CAMK2D: variants seen among roughly 807,000 people sequenced by gnomAD.
CAMK2D encodes the protein calcium/calmodulin-dependent protein kinase type II subunit delta.
Under a neutral mutation model 84.0 loss-of-function variants are expected in CAMK2D, and 37 were observed. That is an observed-to-expected ratio of 0.44 (90% confidence interval 0.34 to 0.58). The LOEUF (loss-of-function observed/expected upper bound fraction) is 0.58. CAMK2D is among the 20% of genes least tolerant of loss of function. The pLI is 0.02. For missense variants in CAMK2D, 448 were observed against 652.5 expected, an observed-to-expected ratio of 0.69 and a Z score of 3.41; for synonymous variants, 202 against 212.5, an observed-to-expected ratio of 0.95 and a Z score of 0.43.
At chr4:113,680,594 A>C (rs1056369461) in intron 2 of CAMK2D, among the ~76,000 whole-genome samples, 2 of 152,234 alleles carry the variant, frequency 1.3e-5, no homozygotes, top group South Asian at 2.1e-4. Flanking sequence ...AACAAACAAA[A>C]AGATATAAAT....
chr4:113,576,246 C>T (rs1398567908), intron 4 of CAMK2D, among the ~76,000 whole-genome samples: 1 of 152,106 alleles, frequency 6.6e-6, no homozygotes, highest in East Asian at 1.9e-4. Flanking sequence ...ACATAATAGA[C>T]TGAAAATCTA....
At chr4:113,759,513 C>A in intron 1 of CAMK2D, 99 bp from the exon 2 acceptor site, 1 of 618,734 alleles carries the variant, frequency 1.6e-6, no homozygotes, top group South Asian at 2.8e-5. Context: ...AGTGGATTGC[C>A]AGTGAAGTAC....
chr4:113,509,596 T>C (rs373744043), intron 13 of CAMK2D, 42 bp downstream of exon 13: 9 of 1,286,348 alleles, frequency 7.0e-6, no homozygotes, highest in Non-Finnish European at 9.1e-6. Flanking sequence ...TTATCCAGCA[T>C]CTGAAAGTCA....
At chr4:113,522,104 G>C (rs2098367801) in intron 8 of CAMK2D, among the ~76,000 whole-genome samples, 1 of 152,118 alleles carries the variant, frequency 6.6e-6, no homozygotes, top group African/African-American at 2.4e-5. Context: ...ATATCATCGA[G>C]AACATTCAAA....
chr4:113,488,745 A>T (rs2097790460), intron 16 of CAMK2D, among the ~76,000 whole-genome samples: 1 of 152,204 alleles, frequency 6.6e-6, no homozygotes, highest in Non-Finnish European at 1.5e-5. Flanking sequence ...ATTTATAGAA[A>T]TTTTGAGCAG....
chr4:113,595,571 A>G (rs2098921607), intron 4 of CAMK2D, among the ~76,000 whole-genome samples: 1 of 152,024 alleles, frequency 6.6e-6, no homozygotes, highest in African/African-American at 2.4e-5. Context: ...CTACCCATGA[A>G]GTAGTATAGG....
intron 2 of CAMK2D, among the ~76,000 whole-genome samples, chr4:113,755,984 C>T (rs1232747964): frequency 6.6e-6 from 1 of 151,952 alleles, no homozygotes; most frequent in Non-Finnish European, 1.5e-5. Context: ...TTCCATACTA[C>T]TTATTTTCAA....
At chr4:113,724,064 ATGT>A (rs1197959651) in intron 2 of CAMK2D, among the ~76,000 whole-genome samples, 4 of 152,012 alleles carry the variant, frequency 2.6e-5, no homozygotes, top group African/African-American at 9.7e-5. Context: ...ACTACTCAAT[ATGT>A]TATTTCATTT....
chr4:113,688,895 T>A (rs1199552976), intron 2 of CAMK2D, among the ~76,000 whole-genome samples: 4 of 33,744 alleles, frequency 1.2e-4, no homozygotes, highest in Non-Finnish European at 2.5e-4. Context: ...AACAGATTAA[T>A]ATACAAAGAA....
At chr4:113,490,999 T>G (rs2097834091) in intron 16 of CAMK2D, among the ~76,000 whole-genome samples, 1 of 76,840 alleles carries the variant, frequency 1.3e-5, no homozygotes, top group South Asian at 4.3e-4. Flanking sequence ...TTTTGTATCC[T>G]GAGACTTTGC....
chr4:113,748,420 T>C (rs749939454), intron 2 of CAMK2D, among the ~76,000 whole-genome samples: 2 of 152,146 alleles, frequency 1.3e-5, no homozygotes, highest in Admixed American at 6.6e-5. Context: ...AAGAATAATT[T>C]TGATGATATT....
In CAMK2D at chr4:113,553,388, T is replaced by C. The variant is rs571173117; in HGVS notation, c.276-1292A>G. Among the ~76,000 whole-genome samples, 6 of 152,320 alleles carry C rather than the reference T, an allele frequency of 3.9e-5. No individual in the cohort carries two copies. The South Asian group carries it at 1.2e-3, about 32-fold the overall frequency. On this transcript the variant is annotated intron_variant, in intron 4 of 20. Coordinates refer to ENST00000511664, the MANE Select transcript of CAMK2D (RefSeq NM_001321571.2). The stretch of plus-strand genomic sequence containing the variant: ...AAGCATCAAGTAAAGGTATAGAGCT[T>C]CATGTATGAATACTATAGAGTGAGA...
chr4:113,758,422 A>G (rs1157292499), intron 2 of CAMK2D, among the ~76,000 whole-genome samples: 1 of 152,204 alleles, frequency 6.6e-6, no homozygotes, highest in African/African-American at 2.4e-5. Flanking sequence ...TTGAAAAGAC[A>G]TATTAAATGA....
At chr4:113,660,079 A>T (rs1276127714) in intron 3 of CAMK2D, among the ~76,000 whole-genome samples, 1 of 152,188 alleles carries the variant, frequency 6.6e-6, no homozygotes, top group Non-Finnish European at 1.5e-5. Flanking sequence ...AACACCTGTA[A>T]ACTTTTCAGT....
chr4:113,512,981 G>C (rs1192554132), intron 12 of CAMK2D, among the ~76,000 whole-genome samples: 1 of 152,164 alleles, frequency 6.6e-6, no homozygotes, highest in African/African-American at 2.4e-5. Flanking sequence ...ATAAATTCTA[G>C]GTTTGAAACG....
chr4:113,539,358 A>G (rs1259799355), intron 6 of CAMK2D, among the ~76,000 whole-genome samples: 1 of 152,246 alleles, frequency 6.6e-6, no homozygotes, highest in African/African-American at 2.4e-5. Flanking sequence ...TCATTCAAAA[A>G]AAGAGTTCCA....
rs1221614240 is a variant in CAMK2D at position 113,661,769 on chromosome 4, TG to T, written c.163del (p.His55IlefsTer4). 2 of 1,484,348 alleles carry T rather than the reference TG, an allele frequency of 1.3e-6. No homozygotes were observed. The highest frequency in any genetic ancestry group is 9.1e-7 in the Non-Finnish European group (1 of 1,096,304). 91.9% of individuals were successfully genotyped at this position (1,484,348 alleles called of 1,614,324 possible). ...INTKKLSARD[H>X]QKLEREARIC... is the part of the protein sequence containing the mutation. The stretch of plus-strand genomic sequence containing the variant: ...TCTAGCTTCTCTTTCTAGTTTCTGA[TG>T]ATCTGTTAAAAAAAAAAACAGAATA... On this transcript the variant is annotated frameshift_variant and splice_region_variant, in exon 3 of 21. Coordinates refer to ENST00000511664, the MANE Select transcript of CAMK2D (RefSeq NM_001321571.2). LOFTEE classifies it high-confidence loss of function.
chr4:113,678,159 T>C (rs1255398409), intron 2 of CAMK2D, among the ~76,000 whole-genome samples: 1 of 152,088 alleles, frequency 6.6e-6, no homozygotes, highest in African/African-American at 2.4e-5. Context: ...TCAAGCCCCG[T>C]TTTTAATAAG....
chr4:113,500,373 C>T, intron 16 of CAMK2D, 90 bp downstream of exon 16: 1 of 680,670 alleles, frequency 1.5e-6, no homozygotes, highest in African/African-American at 1.8e-5. Context: ...GGCCTACTTC[C>T]TAAACTTATT....
Sources: allele counts gnomAD v4.1 joint callset (sites outside exome capture counted in the v4.1 genomes callset), GRCh38; gene constraint gnomAD v4.1.1; transcripts MANE v1.5; gene names NCBI Gene and HGNC (gene_info 2026-07-23, HGNC 2026-07-21).